The following IQCJ variants were observed in gnomAD, a reference collection of about 807,000 sequenced individuals.
IQCJ encodes IQ domain-containing protein J.
Under a neutral mutation model 11.0 loss-of-function variants are expected in IQCJ, and 9 were observed. That is an observed-to-expected ratio of 0.82 (90% confidence interval 0.49 to 1.43). IQCJ has a LOEUF of 1.43. Ranked by LOEUF, IQCJ falls within the 40% of genes most tolerant of loss-of-function variation. The pLI is 0.00. For missense variants in IQCJ, 146 were observed against 133.2 expected, an observed-to-expected ratio of 1.10 and a Z score of -0.47; for synonymous variants, 55 against 51.3, an observed-to-expected ratio of 1.07 and a Z score of -0.31.
Position 159,189,174 on chromosome 3 carries a change from A to G in IQCJ, c.10-56669A>G, listed in dbSNP as rs190288973. On this transcript the variant is annotated intron_variant, in intron 1 of 3. Coordinates refer to ENST00000397832, the MANE Select transcript of IQCJ (RefSeq NM_001042706.3). ...GGTGGTATGTTTGGGAGGGAAAACT[A>G]CTAGCCAAATAAATAATAGTGACTA... is the stretch of plus-strand genomic sequence containing the variant. Among the ~76,000 whole-genome samples the G allele has an allele frequency of 4.4e-4, 67 of 152,214 alleles. 1 individual carries two copies. In the East Asian group the frequency reaches 0.011, roughly 25 times the overall value.
intron 2 of IQCJ, among the ~76,000 whole-genome samples, chr3:159,251,085 T>C (rs572600225): frequency 1.3e-5 from 2 of 152,232 alleles, no homozygotes; most frequent in South Asian, 4.1e-4. Context: ...ACAAGAGTGC[T>C]TCCTTGCCCC....
chr3:159,150,520 T>C (rs976483556), intron 1 of IQCJ, among the ~76,000 whole-genome samples: 7 of 151,908 alleles, frequency 4.6e-5, no homozygotes, highest in African/African-American at 1.5e-4. Context: ...AGGCATAAAC[T>C]GGAGCAGTGA....
chr3:159,263,354 A>G lies in IQCJ; in HGVS notation c.*623A>G. The G allele has an allele frequency of 1.4e-6, 1 of 689,818 alleles. No individual in the cohort carries two copies. The highest frequency in any genetic ancestry group is 6.5e-5 in the South Asian group (1 of 15,284). 42.7% of individuals were successfully genotyped at this position (689,818 alleles called of 1,614,324 possible). On this transcript the variant is annotated 3_prime_UTR_variant, in exon 4 of 4. Transcript: ENST00000397832. Reference sequence around the variant, plus strand: ...AGAAAATTTAAAAGGTAAAGTAAGCATGCCTACAGACCACAATTGACCTAC... The same window carrying G: ...AGAAAATTTAAAAGGTAAAGTAAGCGTGCCTACAGACCACAATTGACCTAC...
At chr3:159,119,710 A>G (rs1384625319) in intron 1 of IQCJ, among the ~76,000 whole-genome samples, 7 of 152,190 alleles carry the variant, frequency 4.6e-5, no homozygotes, top group African/African-American at 1.7e-4. Context: ...GTGATTTTTA[A>G]AAAATAAGCA....
chr3:159,076,092 T>A (rs1715895175), intron 1 of IQCJ, among the ~76,000 whole-genome samples: 1 of 152,110 alleles, frequency 6.6e-6, no homozygotes, highest in African/African-American at 2.4e-5. Flanking sequence ...CAAACCTATT[T>A]TTTTGATGGA....
At chr3:159,239,160 G>C (rs2108175266) in intron 1 of IQCJ, among the ~76,000 whole-genome samples, 1 of 152,256 alleles carries the variant, frequency 6.6e-6, no homozygotes, top group South Asian at 2.1e-4. Flanking sequence ...AGAAAATGAG[G>C]ACATGGTTTG....
chr3:159,257,432 G>C (rs998112945), intron 3 of IQCJ, among the ~76,000 whole-genome samples: 6 of 152,136 alleles, frequency 3.9e-5, no homozygotes, highest in African/African-American at 1.4e-4. Flanking sequence ...TGACATTCTT[G>C]ACAGTCTGCA....
intron 1 of IQCJ, among the ~76,000 whole-genome samples, chr3:159,205,802 C>T (rs1015646571): frequency 1.3e-5 from 2 of 152,162 alleles, no homozygotes; most frequent in Non-Finnish European, 2.9e-5. Flanking sequence ...CTGTGGCAGG[C>T]AAATTCTGGC....
chr3:159,227,772 AG>A (rs1296755196), intron 1 of IQCJ, among the ~76,000 whole-genome samples: 2 of 152,276 alleles, frequency 1.3e-5, no homozygotes, highest in Admixed American at 6.5e-5. Flanking sequence ...TTATCAAAAA[AG>A]GAATGCATTT....
intron 1 of IQCJ, among the ~76,000 whole-genome samples, chr3:159,071,253 A>G (rs1405652404): frequency 6.6e-6 from 1 of 151,888 alleles, no homozygotes; most frequent in Admixed American, 6.6e-5. Context: ...ATGGCCCCTT[A>G]AAACAGCATA....
intron 1 of IQCJ, among the ~76,000 whole-genome samples, chr3:159,073,933 G>T (rs945176135): frequency 6.6e-6 from 1 of 152,024 alleles, no homozygotes; most frequent in Non-Finnish European, 1.5e-5. Context: ...TGGGGTTGAA[G>T]GTTGTGTCGG....
At chr3:159,152,599 G>C (rs1046060536) in intron 1 of IQCJ, among the ~76,000 whole-genome samples, 4 of 152,172 alleles carry the variant, frequency 2.6e-5, no homozygotes, top group Admixed American at 1.3e-4. Context: ...GGTAGCCCTT[G>C]CTTTGCTGTA....
At chr3:159,126,820 G>A (rs779695872) in intron 1 of IQCJ, among the ~76,000 whole-genome samples, 1 of 152,128 alleles carries the variant, frequency 6.6e-6, no homozygotes, top group Non-Finnish European at 1.5e-5. Context: ...TGTTGATACA[G>A]TGCTTCCAAG....
chr3:159,096,285 G>T (rs1327268374), intron 1 of IQCJ, among the ~76,000 whole-genome samples: 4 of 149,970 alleles, frequency 2.7e-5, no homozygotes, highest in Admixed American at 1.3e-4. Flanking sequence ...AGATGAGTAG[G>T]TTGTGAAAAT....
intron 1 of IQCJ, among the ~76,000 whole-genome samples, chr3:159,114,765 C>G (rs1718860494): frequency 6.6e-6 from 1 of 152,192 alleles, no homozygotes; most frequent in African/African-American, 2.4e-5. Context: ...TTCAAAGCTG[C>G]TCCTGGTTTC....
At chr3:159,087,429 T>A (rs1367377496) in intron 1 of IQCJ, among the ~76,000 whole-genome samples, 1 of 148,222 alleles carries the variant, frequency 6.7e-6, no homozygotes, top group Non-Finnish European at 1.5e-5. Flanking sequence ...GATGCTGGCC[T>A]CATAAAATGA....
At chr3:159,161,183 T>C (rs1721833355) in intron 1 of IQCJ, among the ~76,000 whole-genome samples, 1 of 152,174 alleles carries the variant, frequency 6.6e-6, no homozygotes, top group Non-Finnish European at 1.5e-5. Context: ...CCACATCCTC[T>C]CCAGCACCTG....
chr3:159,258,203 G>A (rs1728002551), intron 3 of IQCJ, among the ~76,000 whole-genome samples: 1 of 152,174 alleles, frequency 6.6e-6, no homozygotes, highest in African/African-American at 2.4e-5. Context: ...CCAGCTCTAG[G>A]CTTGCAGGTA....
At chr3:159,219,314 A>G (rs1228735510) in intron 1 of IQCJ, among the ~76,000 whole-genome samples, 2 of 152,182 alleles carry the variant, frequency 1.3e-5, no homozygotes, top group African/African-American at 4.8e-5. Context: ...GAATTTAAAA[A>G]AAAACTGCTC....
Sources: gnomAD v4.1 joint callset for allele counts (sites outside exome capture counted in the v4.1 genomes callset) on GRCh38, gnomAD v4.1.1 for gene constraint, MANE v1.5 for transcripts, NCBI Gene and HGNC (gene_info 2026-07-23, HGNC 2026-07-21) for gene names.